Variants in LRP1B observed in about 807,000 individuals in gnomAD.
The protein encoded by LRP1B is LDL receptor related protein 1B.
LRP1B carries 217 observed loss-of-function variants against 556.6 expected under a neutral mutation model. The observed-to-expected ratio is 0.39, with a 90% CI of 0.35 to 0.44. LRP1B has a LOEUF of 0.44. Ranked by LOEUF, LRP1B falls within the 20% of genes least tolerant of loss-of-function variation. The probability of loss-of-function intolerance (pLI) is 1.00; values close to 1 mark genes in which losing one functional copy is unlikely to be tolerated. For missense variants in LRP1B, 5,053 were observed against 5,620.8 expected, an observed-to-expected ratio of 0.90 and a Z score of 3.23; for synonymous variants, 2,047 against 1,865.8, an observed-to-expected ratio of 1.10 and a Z score of -2.50.
At chr2:141,763,220 C>A (rs538098903) in intron 2 of LRP1B, among the ~76,000 whole-genome samples, 5 of 152,048 alleles carry the variant, frequency 3.3e-5, no homozygotes, top group African/African-American at 1.2e-4. Context: ...TATGTATAAC[C>A]TGGTGGTGGG....
intron 1 of LRP1B, among the ~76,000 whole-genome samples, chr2:141,966,067 A>C (rs1294007305): frequency 6.6e-6 from 1 of 151,780 alleles, no homozygotes; most frequent in Non-Finnish European, 1.5e-5. Flanking sequence ...CTCTTTTTCA[A>C]ATTAGCATGC....
chr2:140,824,886 A>G (rs1691451435), intron 31 of LRP1B, among the ~76,000 whole-genome samples: 2 of 152,166 alleles, frequency 1.3e-5, no homozygotes, highest in Non-Finnish European at 2.9e-5. Context: ...GCTATAGGAC[A>G]GGAAACAGTA....
chr2:140,568,853 T>C (rs906695150), intron 43 of LRP1B, among the ~76,000 whole-genome samples: 17 of 151,906 alleles, frequency 1.1e-4, no homozygotes, highest in Middle Eastern at 3.4e-3. Flanking sequence ...AAATGAAAGA[T>C]AAAAAAATTG....
chr2:141,142,382 A>T (rs72976024), intron 7 of LRP1B, among the ~76,000 whole-genome samples: 1 of 152,094 alleles, frequency 6.6e-6, no homozygotes, highest in Non-Finnish European at 1.5e-5. Flanking sequence ...ACAGACAAAA[A>T]CTTCCTAGTT....
At position 141,902,279 on chromosome 2, in the gene LRP1B, A is replaced by C. The variant is rs113109086; in HGVS notation, c.83-91878T>G. Among the ~76,000 whole-genome samples, 237 of 151,934 alleles carry C rather than the reference A, an allele frequency of 1.6e-3. 1 individual carries two copies. Among genetic ancestry groups the C allele is most frequent in the African/African-American group, 5.2e-3 (217 of 41,528 alleles). On this transcript the variant is annotated intron_variant, in intron 1 of 90. Transcript: ENST00000389484. The stretch of plus-strand genomic sequence containing the variant: ...TCATATATTCACATCCTACTAAAAG[A>C]TGATTAGAATTTTCCATCTATATTC...
intron 3 of LRP1B, among the ~76,000 whole-genome samples, chr2:141,298,928 T>C (rs1283583004): frequency 9.9e-5 from 14 of 141,588 alleles, no homozygotes; most frequent in African/African-American, 3.7e-4. Flanking sequence ...CACTCCAGCC[T>C]GGGTGACAAG....
intron 66 of LRP1B, among the ~76,000 whole-genome samples, chr2:140,437,002 A>T (rs1474744716): frequency 6.6e-6 from 1 of 152,190 alleles, no homozygotes; most frequent in East Asian, 1.9e-4. Flanking sequence ...GGCTCCTCAC[A>T]GGACCTGGGA....
chr2:141,959,220 C>G (rs1274104639), intron 1 of LRP1B, among the ~76,000 whole-genome samples: 2 of 151,884 alleles, frequency 1.3e-5, no homozygotes, highest in African/African-American at 2.4e-5. Flanking sequence ...TTCTAATGAC[C>G]TCAAATGAGC....
intron 7 of LRP1B, among the ~76,000 whole-genome samples, chr2:141,149,771 A>G (rs1701875786): frequency 1.3e-5 from 2 of 152,220 alleles, no homozygotes; most frequent in African/African-American, 4.8e-5. Flanking sequence ...GCAGGCCTGC[A>G]ACCTCCAGGA....
intron 1 of LRP1B, among the ~76,000 whole-genome samples, chr2:141,939,304 G>A (rs1574510704): frequency 1.3e-5 from 2 of 151,890 alleles, no homozygotes; most frequent in African/African-American, 2.4e-5. Context: ...CATGGCAAAG[G>A]CATAAATATG....
chr2:141,551,344 G>A (rs964172702), intron 2 of LRP1B, among the ~76,000 whole-genome samples: 41 of 151,766 alleles, frequency 2.7e-4, no homozygotes, highest in African/African-American at 9.7e-4. Flanking sequence ...TTAAAAAAGA[G>A]CTTCTTCAAG....
intron 2 of LRP1B, among the ~76,000 whole-genome samples, chr2:141,625,936 T>C (rs576500716): frequency 3.2e-4 from 49 of 152,296 alleles, no homozygotes; most frequent in African/African-American, 1.2e-3. Flanking sequence ...ATTAAAAATA[T>C]ATTTAACTTA....
At chr2:140,813,567 A>G (rs2105035448) in intron 32 of LRP1B, 90 bp downstream of exon 32, 1 of 1,098,558 alleles carries the variant, frequency 9.1e-7, no homozygotes, top group Non-Finnish European at 1.4e-6. Flanking sequence ...GTGTTAGTGG[A>G]GCAGTAACTT....
At chr2:140,279,325 A>G (rs1682819649) in intron 84 of LRP1B, among the ~76,000 whole-genome samples, 1 of 151,998 alleles carries the variant, frequency 6.6e-6, no homozygotes, top group Admixed American at 6.6e-5. Context: ...AGTCCAGGAA[A>G]GAGTTTGAAA....
intron 3 of LRP1B, among the ~76,000 whole-genome samples, chr2:141,333,218 T>C (rs538905568): frequency 6.6e-6 from 1 of 152,256 alleles, no homozygotes; most frequent in Non-Finnish European, 1.5e-5. Context: ...TTGAGAATCA[T>C]GGTAGTTACT....
intron 1 of LRP1B, among the ~76,000 whole-genome samples, chr2:142,112,497 G>T (rs1707037968): frequency 6.6e-6 from 1 of 152,006 alleles, no homozygotes; most frequent in African/African-American, 2.4e-5. Context: ...ATCAAATTCG[G>T]GAGGGAAATA....
rs17771092 is a variant in LRP1B at position 141,991,243 on chromosome 2, C to A, written c.82+139405G>T. Among the ~76,000 whole-genome samples, 5 of 152,032 alleles carry A rather than the reference C, an allele frequency of 3.3e-5. No homozygotes were observed. In the East Asian group the frequency reaches 5.8e-4, roughly 18 times the overall value. ...TTGTTCTCTAAACTTTCCTAAGCAACCATCATTCTTTTGATGCTTACTTGG... is the reference window on the plus strand; with the variant it reads ...TTGTTCTCTAAACTTTCCTAAGCAAACATCATTCTTTTGATGCTTACTTGG... On this transcript the variant is annotated intron_variant, in intron 1 of 90. Coordinates refer to ENST00000389484, the MANE Select transcript of LRP1B (RefSeq NM_018557.3).
At chr2:140,771,779 C>CT (rs764748495) in intron 33 of LRP1B, among the ~76,000 whole-genome samples, 22 of 152,122 alleles carry the variant, frequency 1.4e-4, no homozygotes, top group South Asian at 2.1e-4. Context: ...ATTTTTACAT[C>CT]TTTTTTTATT....
intron 66 of LRP1B, among the ~76,000 whole-genome samples, chr2:140,430,194 A>G (rs1459299212): frequency 6.6e-6 from 1 of 152,116 alleles, no homozygotes; most frequent in East Asian, 1.9e-4. Flanking sequence ...TTCCACATCT[A>G]TCATTGAGGC....
Sources: gnomAD v4.1 joint callset for allele counts (sites outside exome capture counted in the v4.1 genomes callset) on GRCh38, gnomAD v4.1.1 for gene constraint, MANE v1.5 for transcripts, NCBI Gene and HGNC (gene_info 2026-07-23, HGNC 2026-07-21) for gene names.